The following CALCR variants were observed in gnomAD, a reference collection of about 807,000 sequenced individuals.
CALCR encodes the protein calcitonin receptor.
In CALCR, 47 loss-of-function variants were observed where a neutral mutation model predicts 59.5. The ratio of observed to expected loss-of-function variants is 0.79; its 90% CI spans 0.63 to 1.01. CALCR has a LOEUF of 1.01. Ranked by LOEUF, CALCR falls within the 50% of genes least tolerant of loss-of-function variation. The pLI, the probability that CALCR is intolerant of heterozygous loss-of-function variation, is 0.00. For synonymous variants in CALCR, 213 were observed against 211.3 expected, an observed-to-expected ratio of 1.01 and a Z score of -0.07; for missense variants, 566 against 597.1, an observed-to-expected ratio of 0.95 and a Z score of 0.54.
At chr7:93,475,761 A>G (rs1224916519) in intron 5 of CALCR, among the ~76,000 whole-genome samples, 1 of 151,790 alleles carries the variant, frequency 6.6e-6, no homozygotes, top group South Asian at 2.1e-4. Context: ...AATTTGTCCT[A>G]CTTCACCTGA....
intron 2 of CALCR, among the ~76,000 whole-genome samples, chr7:93,504,937 C>G (rs1001649712): frequency 6.6e-6 from 1 of 152,120 alleles, no homozygotes; most frequent in African/African-American, 2.4e-5. Flanking sequence ...CTCACCTCCT[C>G]TCTGAAGATG....
intron 12 of CALCR, among the ~76,000 whole-genome samples, chr7:93,434,766 G>A (rs1426316570): frequency 6.6e-6 from 1 of 152,130 alleles, no homozygotes; most frequent in Non-Finnish European, 1.5e-5. Flanking sequence ...CTCAGATAAG[G>A]ACATGGACTA....
At chr7:93,435,624 A>G (rs1221775807) in intron 12 of CALCR, among the ~76,000 whole-genome samples, 2 of 151,940 alleles carry the variant, frequency 1.3e-5, no homozygotes, top group East Asian at 3.9e-4. Context: ...CCTGGCCAAC[A>G]TGGTGAAACC....
intron 2 of CALCR, among the ~76,000 whole-genome samples, chr7:93,559,303 AC>A (rs1789686451): frequency 6.6e-6 from 1 of 150,916 alleles, no homozygotes; most frequent in African/African-American, 2.4e-5. Context: ...AAACTTTTCC[AC>A]CCCCTCCCCT....
intron 9 of CALCR, among the ~76,000 whole-genome samples, chr7:93,439,351 C>A (rs1799849655): frequency 1.3e-5 from 2 of 152,232 alleles, no homozygotes; most frequent in Non-Finnish European, 2.9e-5. Flanking sequence ...CACAGCAGTT[C>A]TAACATACCA....
chr7:93,430,490 T>C (rs1799636315), intron 13 of CALCR, among the ~76,000 whole-genome samples: 1 of 152,210 alleles, frequency 6.6e-6, no homozygotes, highest in Non-Finnish European at 1.5e-5. Context: ...TTCTTATGTT[T>C]GGGGAAGATT....
In CALCR at chr7:93,436,116, C is replaced by T. The variant is rs1033749544; in HGVS notation, c.985G>A (p.Glu329Lys). The T allele has an allele frequency of 5.0e-6, 8 of 1,614,016 alleles. No individual in the cohort carries two copies. Among genetic ancestry groups the T allele is most frequent in the Non-Finnish European group, 5.9e-6 (7 of 1,179,996 alleles). Residue 329 changes from glutamate to lysine, a missense_variant, in exon 12 of 14, where the codon GAA (glutamate) becomes AAA (lysine). By Grantham distance (56) the Glu-to-Lys change is moderately conservative. Transcript: ENST00000426151. ...ATGTGGGATTCCGCCTCATGGGTTT[C>T]CCTCATTTTGGTCACAAGCACCCGG... ...IVRVLVTKMR[E>K]THEAESHMYL...
intron 13 of CALCR, among the ~76,000 whole-genome samples, chr7:93,432,771 T>C (rs1028399184): frequency 2.0e-5 from 3 of 152,196 alleles, no homozygotes; most frequent in East Asian, 3.9e-4. Context: ...TATTTTGATA[T>C]TATTTTAGAC....
At chr7:93,477,167 C>T (rs539730110) in intron 5 of CALCR, among the ~76,000 whole-genome samples, 1 of 152,000 alleles carries the variant, frequency 6.6e-6, no homozygotes, top group East Asian at 2.0e-4. Flanking sequence ...TTAACAGGGA[C>T]CTATATGTTG....
rs530043363 is a variant in CALCR, at chr7:93,549,373, GA to G, written c.-27+24915del. ...TTTTCTCAACTAGGGAAGGTAGAGA[GA>G]AAAAAGGGATATCTGATAGAAAAGG... On this transcript the variant is annotated intron_variant, in intron 2 of 13. Coordinates refer to ENST00000426151, the MANE Select transcript of CALCR (RefSeq NM_001742.4). Among the ~76,000 whole-genome samples the G allele has an allele frequency of 3.3e-5, 5 of 151,934 alleles. No homozygotes were observed. In the South Asian group the frequency reaches 1.0e-3, roughly 32 times the overall value.
chr7:93,514,010 G>A (rs955563768), intron 2 of CALCR, among the ~76,000 whole-genome samples: 4 of 151,896 alleles, frequency 2.6e-5, no homozygotes, highest in Non-Finnish European at 4.4e-5. Flanking sequence ...CCAAGATAAG[G>A]AAACATAGAG....
At chr7:93,507,633 C>T (rs963148631) in intron 2 of CALCR, among the ~76,000 whole-genome samples, 1 of 150,852 alleles carries the variant, frequency 6.6e-6, no homozygotes, top group African/African-American at 2.4e-5. Context: ...GAAGGTCAGG[C>T]GCAGTGTCTC....
intron 2 of CALCR, among the ~76,000 whole-genome samples, chr7:93,520,623 T>TA (rs777184504): frequency 1.7e-4 from 26 of 152,224 alleles, no homozygotes; most frequent in Non-Finnish European, 2.9e-4. Flanking sequence ...TGTACAGCTA[T>TA]AAAAAAGAGA....
chr7:93,477,108 A>G (rs979579901), intron 5 of CALCR, among the ~76,000 whole-genome samples: 1 of 151,744 alleles, frequency 6.6e-6, no homozygotes, highest in African/African-American at 2.4e-5. Context: ...GAGCCACTTA[A>G]CCCCTGTAGG....
At chr7:93,531,879 T>C (rs1788849191) in intron 2 of CALCR, among the ~76,000 whole-genome samples, 1 of 152,076 alleles carries the variant, frequency 6.6e-6, no homozygotes, top group Non-Finnish European at 1.5e-5. Context: ...CAATGAATTA[T>C]CATAAAGGTT....
chr7:93,488,964 C>T (rs573690455), intron 2 of CALCR, among the ~76,000 whole-genome samples: 30 of 151,690 alleles, frequency 2.0e-4, no homozygotes, highest in Admixed American at 1.7e-3. Flanking sequence ...AATATACATT[C>T]TTCTCAGTAC....
At chr7:93,476,451 ATTATG>A (rs1221000933) in intron 5 of CALCR, among the ~76,000 whole-genome samples, 1 of 151,764 alleles carries the variant, frequency 6.6e-6, no homozygotes, top group Admixed American at 6.6e-5. Flanking sequence ...GTATATATAT[ATTATG>A]TTATGTATAT....
At chr7:93,479,948 C>T (rs1484840992) in intron 3 of CALCR, among the ~76,000 whole-genome samples, 2 of 151,684 alleles carry the variant, frequency 1.3e-5, no homozygotes, top group African/African-American at 4.8e-5. Context: ...TTATTTGATT[C>T]TTTCAGCTAA....
chr7:93,452,384 C>A (rs546513460), intron 8 of CALCR, among the ~76,000 whole-genome samples: 1 of 151,870 alleles, frequency 6.6e-6, no homozygotes, highest in African/African-American at 2.4e-5. Context: ...GTCAAAATAC[C>A]AGTTCAGTTG....
Sources: allele counts gnomAD v4.1 joint callset (sites outside exome capture counted in the v4.1 genomes callset), GRCh38; gene constraint gnomAD v4.1.1; transcripts MANE v1.5; gene names NCBI Gene and HGNC (gene_info 2026-07-23, HGNC 2026-07-21).